The following TBC1D19 variants were observed in gnomAD, a reference collection of about 807,000 sequenced individuals.
The protein encoded by TBC1D19 is TBC1 domain family, member 19.
A neutral mutation model predicts 89.0 loss-of-function variants in TBC1D19; 60 were observed. The observed-to-expected ratio is 0.67, with a 90% CI of 0.55 to 0.84. TBC1D19 has a LOEUF of 0.84. Ranked by LOEUF, TBC1D19 falls within the 40% of genes least tolerant of loss-of-function variation. TBC1D19 has a pLI of 0.00. For missense variants in TBC1D19, 500 were observed against 610.8 expected (o/e 0.82, Z 1.91); for synonymous variants, 189 against 199.7 (o/e 0.95, Z 0.45).
the TBC1D19 span, among the ~76,000 whole-genome samples, chr4:26,839,466 TTCATTTCATGTTA>T: frequency 9.2e-5 from 14 of 152,270 alleles, no homozygotes; most frequent in Non-Finnish European, 1.9e-4. Flanking sequence ...GAGCTCTTGC[TTCATTTCATGTTA>T]CTTTCCTTCT....
chr4:26,857,993 A>G, the TBC1D19 span: 6 of 152,272 alleles, frequency 3.9e-5, no homozygotes, highest in Admixed American at 2.0e-4. Flanking sequence ...ATGCACGCCC[A>G]GAGCCAGTTC....
the TBC1D19 span, among the ~76,000 whole-genome samples, chr4:26,814,297 C>G: frequency 6.6e-6 from 1 of 152,210 alleles, no homozygotes; most frequent in South Asian, 2.1e-4. Context: ...TCAGAGTGTG[C>G]GGTGATAATA....
the TBC1D19 span, among the ~76,000 whole-genome samples, chr4:26,831,195 T>G: frequency 6.6e-6 from 1 of 152,200 alleles, no homozygotes; most frequent in Non-Finnish European, 1.5e-5. Flanking sequence ...TGTATACTTA[T>G]GAGGGAGATG....
At chr4:26,642,743 A>G (rs964350935) in intron 7 of TBC1D19, among the ~76,000 whole-genome samples, 2 of 152,358 alleles carry the variant, frequency 1.3e-5, no homozygotes, top group South Asian at 4.1e-4. Context: ...AGATCTGCCA[A>G]GCAAATGGAA....
At chr4:26,614,063 C>A (rs940658245) in intron 2 of TBC1D19, among the ~76,000 whole-genome samples, 8 of 152,170 alleles carry the variant, frequency 5.3e-5, no homozygotes, top group African/African-American at 1.9e-4. Flanking sequence ...GTTCCCTTGG[C>A]ACATTCCTTA....
chr4:26,803,187 T>C, the TBC1D19 span, among the ~76,000 whole-genome samples: 1 of 152,272 alleles, frequency 6.6e-6, no homozygotes, highest in Admixed American at 6.5e-5. Context: ...TTGGGGGTAC[T>C]ACAGAATAAC....
intron 13 of TBC1D19, among the ~76,000 whole-genome samples, chr4:26,699,561 C>G (rs1027704901): frequency 6.6e-6 from 1 of 152,144 alleles, no homozygotes; most frequent in African/African-American, 2.4e-5. Flanking sequence ...GGGACATGCA[C>G]ACATATGTTT....
At chr4:26,638,706 T>C in intron 5 of TBC1D19, 65 bp from the exon 6 acceptor site, 1 of 1,234,542 alleles carries the variant, frequency 8.1e-7, no homozygotes, top group East Asian at 2.3e-5. Context: ...TTGATTCTTG[T>C]TTTTAGTTGT....
At chr4:26,710,525 A>G (rs1435371057) in intron 13 of TBC1D19, among the ~76,000 whole-genome samples, 1 of 152,202 alleles carries the variant, frequency 6.6e-6, no homozygotes, top group Non-Finnish European at 1.5e-5. Flanking sequence ...AGCATGATTT[A>G]TAATCCTTTG....
the TBC1D19 span, among the ~76,000 whole-genome samples, chr4:26,775,360 G>A: frequency 1.3e-5 from 2 of 152,170 alleles, no homozygotes; most frequent in African/African-American, 4.8e-5. Flanking sequence ...AGGCTAAAGT[G>A]GGAAGATCAC....
intron 7 of TBC1D19, among the ~76,000 whole-genome samples, chr4:26,657,276 C>T (rs892102062): frequency 6.6e-6 from 1 of 151,774 alleles, no homozygotes; most frequent in Non-Finnish European, 1.5e-5. Flanking sequence ...TGATGTTTTC[C>T]TCCCTGTGTC....
At chr4:26,659,539 T>C in intron 7 of TBC1D19, 58 bp from the exon 8 acceptor site, 1 of 1,133,038 alleles carries the variant, frequency 8.8e-7, no homozygotes, top group Non-Finnish European at 1.3e-6. Flanking sequence ...CTGCTAATTT[T>C]ATAAGTGTAA....
chr4:26,768,270 A>G, the TBC1D19 span, among the ~76,000 whole-genome samples: 1 of 152,220 alleles, frequency 6.6e-6, no homozygotes, highest in Non-Finnish European at 1.5e-5. Flanking sequence ...AGGAAGGAAT[A>G]TTAATCCTAA....
the TBC1D19 span, among the ~76,000 whole-genome samples, chr4:26,835,928 C>T: frequency 6.6e-6 from 1 of 151,776 alleles, no homozygotes; most frequent in Non-Finnish European, 1.5e-5. Context: ...CTTCAAAATA[C>T]GTATGCTGCC....
intron 13 of TBC1D19, among the ~76,000 whole-genome samples, chr4:26,691,297 C>T (rs952759687): frequency 1.2e-4 from 19 of 152,170 alleles, no homozygotes; most frequent in African/African-American, 4.6e-4. Flanking sequence ...GTTGAAATGA[C>T]AACAAAGTGT....
intron 4 of TBC1D19, among the ~76,000 whole-genome samples, chr4:26,631,898 C>A (rs1342610590): frequency 6.6e-6 from 1 of 152,100 alleles, no homozygotes; most frequent in Non-Finnish European, 1.5e-5. Flanking sequence ...AACTTTTTCT[C>A]TTGACTGTTT....
chr4:26,745,867 G>A (rs964051660), intron 18 of TBC1D19, among the ~76,000 whole-genome samples: 1 of 151,968 alleles, frequency 6.6e-6, no homozygotes, highest in African/African-American at 2.4e-5. Context: ...AGGCCTAGAT[G>A]GCTTCACTGG....
the TBC1D19 span, among the ~76,000 whole-genome samples, chr4:26,771,140 T>C: frequency 1.3e-5 from 2 of 151,322 alleles, no homozygotes; most frequent in Admixed American, 1.3e-4. Flanking sequence ...AAAACCACAA[T>C]GAGATGTCAC....
At chr4:26,621,147 A>C (rs1045216823) in intron 4 of TBC1D19, among the ~76,000 whole-genome samples, 1 of 152,230 alleles carries the variant, frequency 6.6e-6, no homozygotes. Context: ...ACTCTGATAA[A>C]CCTGCTATCA....
Sources: allele counts gnomAD v4.1 joint callset (sites outside exome capture counted in the v4.1 genomes callset), GRCh38; gene constraint gnomAD v4.1.1; transcripts MANE v1.5; gene names NCBI Gene and HGNC (gene_info 2026-07-23, HGNC 2026-07-21).